ITSN1: variants seen among roughly 807,000 people sequenced by gnomAD.
ITSN1 encodes the protein intersectin 1, also known as intersectin-1.
In ITSN1, 58 loss-of-function variants were observed where a neutral mutation model predicts 239.8. The ratio of observed to expected loss-of-function variants is 0.24; its 90% confidence interval spans 0.20 to 0.30. ITSN1 has a LOEUF of 0.30. Ranked by LOEUF, ITSN1 falls within the 10% of genes least tolerant of loss-of-function variation. The probability of loss-of-function intolerance (pLI) is 1.00; values close to 1 mark genes in which losing one functional copy is unlikely to be tolerated. For synonymous variants in ITSN1, 780 were observed against 770.8 expected (o/e 1.01, Z -0.20); for missense variants, 1,558 against 2,103.3 (o/e 0.74, Z 5.07).
At position 33,722,604 on chromosome 21, in the gene ITSN1, C is replaced by G; in HGVS notation, c.138C>G (p.Asn46Lys). The change falls in exon 4 of 40, where the codon AAC (asparagine) becomes AAG (lysine). Residue 46 changes from asparagine to lysine, a missense_variant. Asn to Lys is a moderately conservative substitution (Grantham distance 94). Transcript: ENST00000381318. Reference sequence around the variant, plus strand: ...AATTTACAGGTGATCAAGCTAGAAACTTTTTTTTTCAATCTGGGTTACCTC... The same window carrying G: ...AATTTACAGGTGATCAAGCTAGAAAGTTTTTTTTTCAATCTGGGTTACCTC... ...SGFITGDQAR[N>K]FFFQSGLPQP... The G allele has an allele frequency of 6.7e-7, 1 of 1,495,982 alleles. No homozygotes were observed. Among genetic ancestry groups the G allele is most frequent in the African/African-American group, 1.5e-5 (1 of 67,782 alleles). 92.7% of individuals were successfully genotyped at this position (1,495,982 alleles called of 1,614,324 possible). A position where few individuals can be genotyped will look rare whatever the true frequency, so the allele number is the denominator to read the frequency against.
chr21:33,778,007 T>G (rs2069784323), intron 14 of ITSN1, among the ~76,000 whole-genome samples: 1 of 152,184 alleles, frequency 6.6e-6, no homozygotes, highest in African/African-American at 2.4e-5. Context: ...AGATCATATG[T>G]TTTTTCCCCG....
At chr21:33,818,242 G>A in intron 22 of ITSN1, 25 bp from the exon 23 acceptor site, 1 of 1,594,568 alleles carries the variant, frequency 6.3e-7, no homozygotes, top group Non-Finnish European at 8.6e-7. Context: ...CATAACGAGA[G>A]GTCCTTTATG....
rs756035468 is a variant in ITSN1, at chr21:33,867,359, AGG to A, written c.4173+31_4173+32del. On this transcript the variant is annotated intron_variant, in intron 33 of 39. Coordinates refer to ENST00000381318, the MANE Select transcript of ITSN1 (RefSeq NM_003024.3). ...AAGTACCTGTCTTGCCTTTTCAAGC[AGG>A]GGACGGCTTTCTCTGCATTGGAGAG... 2.3e-6 allele frequency: 3 copies of A among 1,289,486 alleles called. No homozygotes were observed. The South Asian group carries it at 3.5e-5, about 15-fold the overall frequency. The allele number at this position is 1,289,486 out of a possible 1,614,324, so 79.9% of individuals were successfully genotyped here. A position where few individuals can be genotyped will look rare whatever the true frequency, so the allele number is the denominator to read the frequency against.
chr21:33,831,702 G>A (rs527468878), intron 27 of ITSN1, among the ~76,000 whole-genome samples: 1 of 152,296 alleles, frequency 6.6e-6, no homozygotes, highest in Admixed American at 6.5e-5. Flanking sequence ...GACAGGAAGA[G>A]CCACACTGGA....
chr21:33,876,327 T>TC (rs1264915529), intron 34 of ITSN1, among the ~76,000 whole-genome samples: 1 of 150,228 alleles, frequency 6.7e-6, no homozygotes, highest in African/African-American at 2.5e-5. Flanking sequence ...CTTCCTTCCT[T>TC]CTTTCCTTCC....
At chr21:33,657,946 A>G (rs994611477) in intron 1 of ITSN1, among the ~76,000 whole-genome samples, 4 of 152,178 alleles carry the variant, frequency 2.6e-5, no homozygotes, top group African/African-American at 9.7e-5. Context: ...TGGTTGTGCC[A>G]GTGCACTCCA....
intron 1 of ITSN1, among the ~76,000 whole-genome samples, chr21:33,647,343 A>T (rs908418456): frequency 1.3e-5 from 2 of 152,224 alleles, no homozygotes; most frequent in Non-Finnish European, 2.9e-5. Flanking sequence ...AATTTCTGGT[A>T]ACAAAAATGG....
intron 31 of ITSN1, among the ~76,000 whole-genome samples, chr21:33,860,740 G>A (rs1357960473): frequency 1.3e-5 from 2 of 152,148 alleles, no homozygotes; most frequent in African/African-American, 2.4e-5. Flanking sequence ...CCGGAATAGA[G>A]ACTCCGCCCA....
chr21:33,804,051 A>G (rs1177281656), intron 20 of ITSN1, among the ~76,000 whole-genome samples: 2 of 152,164 alleles, frequency 1.3e-5, no homozygotes, highest in Non-Finnish European at 1.5e-5. Context: ...GCAGTTAACA[A>G]ATGATGAGCA....
intron 7 of ITSN1, chr21:33,754,275 T>C (rs1400904515): frequency 1.3e-5 from 2 of 152,232 alleles, no homozygotes; most frequent in African/African-American, 4.8e-5. Flanking sequence ...TGAATTCATA[T>C]AAGTACTTCT....
At chr21:33,675,345 T>C (rs2090527360) in intron 1 of ITSN1, among the ~76,000 whole-genome samples, 1 of 151,896 alleles carries the variant, frequency 6.6e-6, no homozygotes, top group Non-Finnish European at 1.5e-5. Flanking sequence ...AGGGGGATCA[T>C]GAGGTCAGGA....
intron 1 of ITSN1, among the ~76,000 whole-genome samples, chr21:33,706,933 G>C (rs1338480814): frequency 6.6e-6 from 1 of 152,130 alleles, no homozygotes; most frequent in East Asian, 1.9e-4. Flanking sequence ...ATGTTAGCCA[G>C]GCTGGTGTTG....
chr21:33,797,271 T>C lies in ITSN1; in HGVS notation c.1953-108T>C, dbSNP rs1473424118. ...CCCCATCTGAACAACAATGTTCCCT[T>C]GATGTTCCCATCCCATTTACTGGAT... On this transcript the variant is annotated intron_variant, in intron 17 of 39. Coordinates refer to ENST00000381318, the MANE Select transcript of ITSN1 (RefSeq NM_003024.3). The surrounding 1 kb of genome is among the most constrained non-coding windows in gnomAD (Gnocchi z 4.9). 3.6e-6 allele frequency: 3 copies of C among 839,576 alleles called. No homozygotes were observed. The highest frequency in any genetic ancestry group is 3.9e-6 in the Non-Finnish European group (2 of 507,940). 52.0% of individuals were successfully genotyped at this position (839,576 alleles called of 1,614,324 possible). A position where few individuals can be genotyped will look rare whatever the true frequency, so the allele number is the denominator to read the frequency against.
Position 33,767,813 on chromosome 21 carries a change from G to C in ITSN1, c.1027G>C (p.Glu343Gln). Residue 343 changes from glutamate (E) to glutamine (Q), a missense_variant, in exon 11 of 40, where the codon GAA becomes CAA. Glu to Gln is a conservative substitution (Grantham distance 29). This residue lies in a region of ITSN1 where 982 missense variants were observed against 1,209.9 expected (regional missense o/e 0.81). Transcript: ENST00000381318. The stretch of plus-strand genomic sequence containing the variant: ...TTTAGAAGATGAACAACAACAATTA[G>C]AAAAGAAATTACCTGGTAAGGCAGC... ...PVLEDEQQQL[E>Q]KKLPVTFEDK... The C allele has an allele frequency of 6.3e-7, 1 of 1,591,994 alleles. No homozygotes were observed. The highest frequency in any genetic ancestry group is 8.6e-7 in the Non-Finnish European group (1 of 1,160,634).
chr21:33,865,221 G>T lies in ITSN1; in HGVS notation c.3961G>T (p.Ala1321Ser), dbSNP rs199694383. The T allele has an allele frequency of 6.2e-7, 1 of 1,613,782 alleles. No individual in the cohort carries two copies. The change falls in exon 32 of 40, where the codon GCA (alanine) becomes TCA (serine). Residue 1321 changes from alanine (A) to serine (S), a missense_variant. Physicochemically the swap from Ala to Ser is moderately conservative, Grantham distance 99. Coordinates refer to ENST00000381318, the MANE Select transcript of ITSN1 (RefSeq NM_003024.3). This position sits in a 1 kb window ranked among gnomAD's most constrained non-coding sequence, Gnocchi z 4.4. The stretch of plus-strand genomic sequence containing the variant: ...GAAGATGATTGGAGACATCCTGAGC[G>T]CACAGCTGCCGCACATGCAGCCCTA... Reference protein sequence around the residue: ...PVKMIGDILSAQLPHMQPYIR... With the variant: ...PVKMIGDILSSQLPHMQPYIR...
chr21:33,851,462 G>A (rs1428278734), intron 29 of ITSN1, among the ~76,000 whole-genome samples: 11 of 151,236 alleles, frequency 7.3e-5, no homozygotes, highest in African/African-American at 1.9e-4. Context: ...GCAGTGGTGC[G>A]ACCTCAGCTC....
chr21:33,774,515 T>C (rs2069440586), intron 12 of ITSN1: 1 of 440,754 alleles, frequency 2.3e-6, no homozygotes, highest in Non-Finnish European at 4.0e-6. Context: ...AATATAGTAT[T>C]ATGTAAATAT....
rs533601243 is a variant in ITSN1, at chr21:33,794,167, TC to T, written c.1825-173del. 1.0e-3 allele frequency among the ~76,000 whole-genome samples: 158 copies of T among 152,324 alleles called. 1 individual carries two copies. Among genetic ancestry groups the T allele is most frequent in the African/African-American group, 3.0e-3 (125 of 41,586 alleles). On this transcript the variant is annotated intron_variant, in intron 16 of 39. Transcript: ENST00000381318. Reference sequence around the variant, plus strand: ...TGTAATCTTAAGTGGCCTTTGGAAATCAGTCATGTCAAAATGTGGTGTGATT... The same window carrying T: ...TGTAATCTTAAGTGGCCTTTGGAAATAGTCATGTCAAAATGTGGTGTGATT...
intron 1 of ITSN1, among the ~76,000 whole-genome samples, chr21:33,662,306 C>T (rs1039995699): frequency 2.0e-5 from 3 of 152,198 alleles, no homozygotes; most frequent in Non-Finnish European, 2.9e-5. Context: ...TTGGCTCTAC[C>T]TCTTTCCATC....
Sources: gnomAD v4.1 joint callset for allele counts (sites outside exome capture counted in the v4.1 genomes callset) on GRCh38, gnomAD v4.1.1 for gene constraint, gnomAD v4.1.1 regional missense constraint, Gnocchi (gnomAD v3.1) non-coding constraint, MANE v1.5 for transcripts, NCBI Gene and HGNC (gene_info 2026-07-23, HGNC 2026-07-21) for gene names.